Variants in RNPC3 observed in about 807,000 individuals in gnomAD.
RNPC3 encodes RNA binding region (RNP1, RRM) containing 3.
In RNPC3, 48 loss-of-function variants were observed where a neutral mutation model predicts 67.5. The ratio of observed to expected loss-of-function variants is 0.71; its 90% CI spans 0.56 to 0.90. The LOEUF (loss-of-function observed/expected upper bound fraction) is 0.90, where lower values mean the gene tolerates loss of function less well. Ranked by LOEUF, RNPC3 falls within the 40% of genes least tolerant of loss-of-function variation. The pLI, the probability that RNPC3 is intolerant of heterozygous loss-of-function variation, is 0.00. For missense variants in RNPC3, 637 were observed against 626.1 expected, an observed-to-expected ratio of 1.02 and a Z score of -0.19; for synonymous variants, 239 against 210.3, an observed-to-expected ratio of 1.14 and a Z score of -1.18.
intron 2 of RNPC3, among the ~76,000 whole-genome samples, chr1:103,528,947 C>T (rs1414399037): frequency 1.3e-5 from 2 of 152,118 alleles, no homozygotes; most frequent in African/African-American, 4.8e-5. Flanking sequence ...CCCAAATTCT[C>T]ATCGGTAAAA....
Position 103,533,749 on chromosome 1 carries a change from G to A in RNPC3, c.251G>A (p.Arg84Lys), listed in dbSNP as rs1650919022. 1 of 1,519,044 alleles carries A rather than the reference G, an allele frequency of 6.6e-7. No homozygotes were observed. The allele number at this position is 1,519,044 out of a possible 1,614,324, so 94.1% of individuals were successfully genotyped here. ...NEKAAIKALTRLHQLKLLGHT... is the reference protein window; with the variant it reads ...NEKAAIKALTKLHQLKLLGHT... ...TTCTTTTAACTGAAGGCATTGACAAGACTCCATCAACTGAAACTTTTAGGT... is the reference window on the plus strand; with the variant it reads ...TTCTTTTAACTGAAGGCATTGACAAAACTCCATCAACTGAAACTTTTAGGT... The change falls in exon 3 of 15, where the codon AGA becomes AAA. Residue 84 changes from arginine to lysine, a missense_variant. By Grantham distance (26) the Arg-to-Lys change is conservative (BLOSUM62 2). This residue lies in a region of RNPC3 where 536 missense variants were observed against 500.3 expected (regional missense o/e 1.07). Coordinates refer to ENST00000423855, the MANE Select transcript of RNPC3 (RefSeq NM_017619.4).
At chr1:103,547,853 AG>A (rs1389556888) in intron 12 of RNPC3, among the ~76,000 whole-genome samples, 1 of 152,204 alleles carries the variant, frequency 6.6e-6, no homozygotes, top group Non-Finnish European at 1.5e-5. Context: ...CAGTTCCACC[AG>A]GGAAGCCTGG....
intron 6 of RNPC3, among the ~76,000 whole-genome samples, 152 bp from the exon 7 acceptor site, chr1:103,537,190 T>A (rs1651006601): frequency 6.6e-6 from 1 of 151,788 alleles, no homozygotes; most frequent in Admixed American, 6.6e-5. Context: ...CAGCTAGTGA[T>A]CTGCCATACA....
At position 103,525,885 on chromosome 1, in the gene RNPC3, T is replaced by C. The variant is rs1251944807; in HGVS notation, c.-186T>C. 1.0e-5 allele frequency: 6 copies of C among 578,034 alleles called. No individual in the cohort carries two copies. Among genetic ancestry groups the C allele is most frequent in the Middle Eastern group, 3.7e-4 (1 of 2,712 alleles). 35.8% of individuals were successfully genotyped at this position (578,034 alleles called of 1,614,324 possible). On this transcript the variant is annotated 5_prime_UTR_variant, in exon 1 of 15. Coordinates refer to ENST00000423855, the MANE Select transcript of RNPC3 (RefSeq NM_017619.4). ...TAGCACCGCGCCCTTCCCCGAAGAGTCTTCGAAGGGTTGCCGCTTTTCGGT... is the reference window on the plus strand; with the variant it reads ...TAGCACCGCGCCCTTCCCCGAAGAGCCTTCGAAGGGTTGCCGCTTTTCGGT...
At chr1:103,531,308 G>A (rs931142839) in intron 2 of RNPC3, among the ~76,000 whole-genome samples, 2 of 152,076 alleles carry the variant, frequency 1.3e-5, no homozygotes, top group Non-Finnish European at 2.9e-5. Flanking sequence ...TGCTATAAAC[G>A]TGCATGTGCA....
In RNPC3 at chr1:103,525,931, G is replaced by A. The variant is rs1557753953; in HGVS notation, c.-140G>A. 1 of 694,334 alleles carries A rather than the reference G, an allele frequency of 1.4e-6. No individual in the cohort carries two copies. Among genetic ancestry groups the A allele is most frequent in the Non-Finnish European group, 2.3e-6 (1 of 426,780 alleles). 43.0% of individuals were successfully genotyped at this position (694,334 alleles called of 1,614,324 possible). Reference sequence around the variant, plus strand: ...TCGGTGGCGCAGTTCTCGCGAGAAGGTGACTTTCTTTCTCGGTATTTCCTG... The same window carrying A: ...TCGGTGGCGCAGTTCTCGCGAGAAGATGACTTTCTTTCTCGGTATTTCCTG... On this transcript the variant is annotated 5_prime_UTR_variant, in exon 1 of 15. In the 5' UTR this introduces an upstream ATG that the reference lacks. Transcript: ENST00000423855.
chr1:103,548,697 G>T (rs939599740), intron 12 of RNPC3, among the ~76,000 whole-genome samples: 1 of 141,364 alleles, frequency 7.1e-6, no homozygotes, highest in Non-Finnish European at 1.5e-5. Flanking sequence ...CTGTTACCCA[G>T]TTCCAAAGTT....
At chr1:103,550,364 T>C (rs1302200270) in intron 12 of RNPC3, among the ~76,000 whole-genome samples, 1 of 151,968 alleles carries the variant, frequency 6.6e-6, no homozygotes, top group East Asian at 1.9e-4. Flanking sequence ...GCCAGTGCGG[T>C]GGTCCACGCC....
At chr1:103,552,477 T>A (rs193015571) in intron 14 of RNPC3, 19 of 152,232 alleles carry the variant, frequency 1.2e-4, no homozygotes, top group African/African-American at 4.6e-4. Context: ...TAAAAATAAT[T>A]CTGGCTGAGC....
rs547744255 is a variant in RNPC3 at position 103,534,107 on chromosome 1, A to G, written c.359+250A>G. 2.0e-5 allele frequency among the ~76,000 whole-genome samples: 3 copies of G among 152,128 alleles called. No homozygotes were observed. In the East Asian group the frequency reaches 5.8e-4, roughly 29 times the overall value. Reference sequence around the variant, plus strand: ...CAAGGGAGTGGGCTGAAACGAATTCATCTTCAACTTTCAATGGAGGGAAAA... The same window carrying G: ...CAAGGGAGTGGGCTGAAACGAATTCGTCTTCAACTTTCAATGGAGGGAAAA... On this transcript the variant is annotated intron_variant, in intron 3 of 14. Transcript: ENST00000423855.
intron 14 of RNPC3, chr1:103,553,170 G>A (rs1651440718): frequency 6.6e-6 from 1 of 152,108 alleles, no homozygotes; most frequent in Non-Finnish European, 1.5e-5. Flanking sequence ...AAACACTTTA[G>A]AGGAAAGATG....
Position 103,551,669 on chromosome 1 carries a change from A to G in RNPC3, c.1495-52A>G, listed in dbSNP as rs753622561. The G allele has an allele frequency of 2.2e-4, 270 of 1,212,122 alleles. 1 individual carries two copies. Among genetic ancestry groups the G allele is most frequent in the Non-Finnish European group, 3.0e-4 (258 of 858,136 alleles). The allele number at this position is 1,212,122 out of a possible 1,614,324, so 75.1% of individuals were successfully genotyped here. A position where few individuals can be genotyped will look rare whatever the true frequency, so the allele number is the denominator to read the frequency against. On this transcript the variant is annotated intron_variant, in intron 13 of 14. Coordinates refer to ENST00000423855, the MANE Select transcript of RNPC3 (RefSeq NM_017619.4). ...ACTAGAAAGTTTTTGAGAATTATTT[A>G]GAAAAGATTACTTGCATATTCATGA...
Position 103,548,331 on chromosome 1 carries a change from T to C in RNPC3, c.1361+1296T>C, listed in dbSNP as rs548781528. ...TGCTGTGTTTCCTTTTAAAACTGAA[T>C]GTCTTTAACAGCACCCAAGTCACCT... On this transcript the variant is annotated intron_variant, in intron 12 of 14. Transcript: ENST00000423855. Among the ~76,000 whole-genome samples, 7 of 152,286 alleles carry C rather than the reference T, an allele frequency of 4.6e-5. No individual in the cohort carries two copies. The South Asian group carries it at 1.0e-3, about 23-fold the overall frequency.
intron 12 of RNPC3, among the ~76,000 whole-genome samples, chr1:103,550,132 C>A (rs1651350818): frequency 6.6e-6 from 1 of 151,894 alleles, no homozygotes; most frequent in Admixed American, 6.6e-5. Flanking sequence ...CCACTGCACT[C>A]CAGCCTGGGC....
At chr1:103,530,315 G>A (rs185515965) in intron 2 of RNPC3, among the ~76,000 whole-genome samples, 1 of 152,248 alleles carries the variant, frequency 6.6e-6, no homozygotes, top group Admixed American at 6.5e-5. Flanking sequence ...AATAAGATCA[G>A]GAGTGCTAAG....
At chr1:103,532,894 A>G (rs930997191) in intron 2 of RNPC3, among the ~76,000 whole-genome samples, 4 of 152,108 alleles carry the variant, frequency 2.6e-5, no homozygotes, top group African/African-American at 9.7e-5. Flanking sequence ...GAATAGGCAG[A>G]GAGGAGTTGT....
At chr1:103,529,742 TTGTA>T (rs1457094001) in intron 2 of RNPC3, among the ~76,000 whole-genome samples, 3 of 152,170 alleles carry the variant, frequency 2.0e-5, no homozygotes, top group Admixed American at 2.0e-4. Context: ...AAAATTAACT[TTGTA>T]TGATGATGTA....
intron 2 of RNPC3, among the ~76,000 whole-genome samples, chr1:103,531,809 C>T (rs547066587): frequency 9.2e-5 from 14 of 152,170 alleles, no homozygotes; most frequent in Non-Finnish European, 1.3e-4. Context: ...GTTTCTTTTG[C>T]TGTGCAGAAG....
chr1:103,545,113 G>T lies in RNPC3; in HGVS notation c.1207+11G>T. ...GAATTTCTAGAGAAGGTAATGTCAC[G>T]AAATAAACTAAGCACATATTCCATT... On this transcript the variant is annotated intron_variant, in intron 10 of 14. Transcript: ENST00000423855. The T allele has an allele frequency of 1.3e-6, 2 of 1,523,628 alleles. No homozygotes were observed. The highest frequency in any genetic ancestry group is 2.4e-5 in the South Asian group (2 of 81,944). The allele number at this position is 1,523,628 out of a possible 1,614,324, so 94.4% of individuals were successfully genotyped here.
Sources: gnomAD v4.1 joint callset for allele counts (sites outside exome capture counted in the v4.1 genomes callset) on GRCh38, gnomAD v4.1.1 for gene constraint, gnomAD v4.1.1 regional missense constraint, MANE v1.5 for transcripts, NCBI Gene and HGNC (gene_info 2026-07-23, HGNC 2026-07-21) for gene names.